Variants in GPR149 observed in about 807,000 individuals in gnomAD.
GPR149 encodes the protein G protein-coupled receptor 149, also known as probable G protein-coupled receptor 149.
Under a neutral mutation model 50.2 loss-of-function variants are expected in GPR149, and 50 were observed. The ratio of observed to expected loss-of-function variants is 1.00; its 90% CI spans 0.79 to 1.26. The LOEUF (loss-of-function observed/expected upper bound fraction) is 1.26, where lower values mean the gene tolerates loss of function less well. Among genes scored for constraint, GPR149 ranks in the 50% most tolerant of loss-of-function variants. The pLI, the probability that GPR149 is intolerant of heterozygous loss-of-function variation, is 0.00. For synonymous variants in GPR149, 405 were observed against 358.2 expected, an observed-to-expected ratio of 1.13 and a Z score of -1.48; for missense variants, 983 against 895.4, an observed-to-expected ratio of 1.10 and a Z score of -1.25.
At chr3:154,380,758 C>A (rs1422307025) in intron 3 of GPR149, among the ~76,000 whole-genome samples, 1 of 152,190 alleles carries the variant, frequency 6.6e-6, no homozygotes, top group East Asian at 1.9e-4. Context: ...TGCTATTAGA[C>A]CAGGTGTCCA....
At chr3:154,416,634 CT>C (rs1464019610) in intron 3 of GPR149, among the ~76,000 whole-genome samples, 1 of 151,876 alleles carries the variant, frequency 6.6e-6, no homozygotes, top group Non-Finnish European at 1.5e-5. Context: ...CTTTAGAAAA[CT>C]CTTTTTAGAG....
At chr3:154,426,269 T>A (rs1483549694) in intron 2 of GPR149, among the ~76,000 whole-genome samples, 1 of 152,150 alleles carries the variant, frequency 6.6e-6, no homozygotes, top group Non-Finnish European at 1.5e-5. Context: ...CAATAAAAAA[T>A]TTTCTGGTAA....
intron 3 of GPR149, among the ~76,000 whole-genome samples, chr3:154,410,139 T>C (rs894823929): frequency 6.6e-6 from 1 of 152,070 alleles, no homozygotes; most frequent in Non-Finnish European, 1.5e-5. Context: ...TTAAGCCTCA[T>C]AAATGAAGGA....
intron 3 of GPR149, among the ~76,000 whole-genome samples, chr3:154,372,993 C>T (rs1258353042): frequency 6.6e-6 from 1 of 151,986 alleles, no homozygotes; most frequent in Non-Finnish European, 1.5e-5. Context: ...AATTCAGTAG[C>T]AGGAGATTGG....
chr3:154,378,015 G>A (rs1391741806), intron 3 of GPR149, among the ~76,000 whole-genome samples: 5 of 151,286 alleles, frequency 3.3e-5, no homozygotes, highest in Admixed American at 2.6e-4. Flanking sequence ...TTTTTCATGT[G>A]GTAGGATGTA....
chr3:154,427,775 C>A, intron 1 of GPR149, 67 bp from the exon 2 acceptor site: 1 of 1,405,920 alleles, frequency 7.1e-7, no homozygotes, highest in Non-Finnish European at 9.7e-7. Context: ...GCCTTTTCTC[C>A]ACGCACGCTG....
chr3:154,411,755 A>C (rs1156814367), intron 3 of GPR149, among the ~76,000 whole-genome samples: 1 of 152,166 alleles, frequency 6.6e-6, no homozygotes, highest in East Asian at 1.9e-4. Context: ...TTCACAAATG[A>C]ATTCTATCAG....
chr3:154,429,292 A>G lies in GPR149; in HGVS notation c.324T>C (p.Ser108=), dbSNP rs1294060530. The change falls in exon 1 of 4, where the codon TCT becomes TCC. Residue 108 remains serine (S), a synonymous_variant. Coordinates refer to ENST00000389740, the MANE Select transcript of GPR149 (RefSeq NM_001038705.3). ...GGCCCTGGCATAAATACATTAAGGC[A>G]GAGGTGGTGCACAGAAATTGGAAGT... The part of the protein sequence containing the change: ...PGYFQFLCTT[S]ALMYLCQGLS... The G allele has an allele frequency of 6.2e-7, 1 of 1,614,088 alleles. No homozygotes were observed. The highest frequency in any genetic ancestry group is 8.5e-7 in the Non-Finnish European group (1 of 1,180,038).
At chr3:154,368,760 A>G (rs1254413398) in intron 3 of GPR149, among the ~76,000 whole-genome samples, 1 of 152,222 alleles carries the variant, frequency 6.6e-6, no homozygotes, top group African/African-American at 2.4e-5. Flanking sequence ...CCTAGAAGAC[A>G]TCTACCACCC....
At chr3:154,362,438 A>G (rs2108396013) in intron 3 of GPR149, among the ~76,000 whole-genome samples, 1 of 152,340 alleles carries the variant, frequency 6.6e-6, no homozygotes, top group Admixed American at 6.5e-5. Context: ...AGTCAGAATT[A>G]CAACTAAAGA....
At chr3:154,427,772 C>G in intron 1 of GPR149, 64 bp from the exon 2 acceptor site, 1 of 1,431,976 alleles carries the variant, frequency 7.0e-7, no homozygotes, top group Non-Finnish European at 9.5e-7. Context: ...CAAGCCTTTT[C>G]TCCACGCACG....
chr3:154,414,945 G>A (rs1711947505), intron 3 of GPR149, among the ~76,000 whole-genome samples: 1 of 151,886 alleles, frequency 6.6e-6, no homozygotes, highest in Non-Finnish European at 1.5e-5. Flanking sequence ...TGGTAAAGCT[G>A]AAATAAAATT....
intron 3 of GPR149, among the ~76,000 whole-genome samples, chr3:154,355,734 T>C (rs1714203667): frequency 6.6e-6 from 1 of 152,204 alleles, no homozygotes; most frequent in African/African-American, 2.4e-5. Context: ...ATCCTAATGA[T>C]AAGCACTCAT....
At chr3:154,380,352 T>C (rs2108406182) in intron 3 of GPR149, among the ~76,000 whole-genome samples, 1 of 152,162 alleles carries the variant, frequency 6.6e-6, no homozygotes, top group East Asian at 1.9e-4. Context: ...AAAATTATTG[T>C]TTGGTGTAAA....
At chr3:154,414,442 A>G (rs1995922) in intron 3 of GPR149, among the ~76,000 whole-genome samples, 137,980 of 152,040 alleles carry the variant, frequency 0.91, 62,930 homozygotes, top group Middle Eastern at 0.99. Flanking sequence ...GAAAATTACC[A>G]TCGCATAATA....
At chr3:154,373,943 TG>T (rs1376728946) in intron 3 of GPR149, among the ~76,000 whole-genome samples, 2 of 151,870 alleles carry the variant, frequency 1.3e-5, no homozygotes, top group African/African-American at 4.8e-5. Flanking sequence ...GAAAGCAAAA[TG>T]GGAAAATCAA....
chr3:154,344,611 C>G (rs1199548629), intron 3 of GPR149, among the ~76,000 whole-genome samples: 1 of 152,086 alleles, frequency 6.6e-6, no homozygotes, highest in Non-Finnish European at 1.5e-5. Flanking sequence ...TGACTCTTAT[C>G]CTTCTAAGAA....
intron 3 of GPR149, among the ~76,000 whole-genome samples, chr3:154,383,316 A>G (rs1038964666): frequency 6.6e-6 from 1 of 152,170 alleles, no homozygotes; most frequent in Non-Finnish European, 1.5e-5. Flanking sequence ...CAGACTTAAC[A>G]TATCATCTCT....
intron 3 of GPR149, among the ~76,000 whole-genome samples, chr3:154,385,684 ATTTCTTTCTTTC>A (rs939393704): frequency 6.7e-6 from 1 of 148,946 alleles, no homozygotes; most frequent in African/African-American, 2.5e-5. Flanking sequence ...ACTTTCACAA[ATTTCTTTCTTTC>A]TTTCTTTCTT....
Sources: gnomAD v4.1 joint callset for allele counts (sites outside exome capture counted in the v4.1 genomes callset) on GRCh38, gnomAD v4.1.1 for gene constraint, MANE v1.5 for transcripts, NCBI Gene and HGNC (gene_info 2026-07-23, HGNC 2026-07-21) for gene names.